Variants in C4orf51 observed in about 807,000 individuals in gnomAD.
The protein encoded by C4orf51 is uncharacterized protein C4orf51.
In C4orf51, 25 loss-of-function variants were observed where a neutral mutation model predicts 25.2. The observed-to-expected ratio is 0.99, with a 90% CI of 0.72 to 1.39. The LOEUF is 1.39. Among genes scored for constraint, C4orf51 ranks in the 40% most tolerant of loss-of-function variants. The pLI is 0.00. For missense variants in C4orf51, 252 were observed against 239.6 expected, an observed-to-expected ratio of 1.05 and a Z score of -0.34; for synonymous variants, 100 against 84.5, an observed-to-expected ratio of 1.18 and a Z score of -1.01.
At chr4:145,728,297 C>T (rs1002228985) in intron 3 of C4orf51, among the ~76,000 whole-genome samples, 1 of 151,850 alleles carries the variant, frequency 6.6e-6, no homozygotes, top group Non-Finnish European at 1.5e-5. Context: ...TTTCCTATAT[C>T]CTCTCTAACA....
the C4orf51 span, among the ~76,000 whole-genome samples, chr4:145,781,575 T>C: frequency 1.3e-5 from 2 of 152,178 alleles, no homozygotes; most frequent in African/African-American, 2.4e-5. Context: ...GGGTTGCTCT[T>C]ATTAAAGTAG....
chr4:145,750,894 A>G (rs1166197964), intron 1 of C4orf51, among the ~76,000 whole-genome samples: 2 of 152,078 alleles, frequency 1.3e-5, no homozygotes, highest in Non-Finnish European at 1.5e-5. Context: ...TTCAAGGTCA[A>G]CAATTCCTTC....
chr4:145,787,415 C>G, the C4orf51 span, among the ~76,000 whole-genome samples: 1 of 149,706 alleles, frequency 6.7e-6, no homozygotes, highest in Non-Finnish European at 1.5e-5. Flanking sequence ...TGAGCTGAGA[C>G]CACGCCATTG....
At chr4:145,681,587 C>G (rs977784226) in intron 1 of C4orf51, among the ~76,000 whole-genome samples, 1 of 152,156 alleles carries the variant, frequency 6.6e-6, no homozygotes, top group Admixed American at 6.5e-5. Context: ...TTCTATAACA[C>G]AATACCACAG....
the C4orf51 span, chr4:145,779,522 A>G: frequency 5.0e-6 from 8 of 1,611,644 alleles, no homozygotes; most frequent in Non-Finnish European, 5.9e-6. Flanking sequence ...CTGGGTCAAA[A>G]GAACAAAGCA....
At chr4:145,775,828 G>C (rs1215822730), downstream of C4orf51, 1 of 1,614,198 alleles carries the variant, frequency 6.2e-7, no homozygotes, top group South Asian at 1.1e-5. Context: ...ACTGCCTTCA[G>C]AGGTGACGGC....
intron 1 of C4orf51, among the ~76,000 whole-genome samples, chr4:145,769,737 A>G (rs968564831): frequency 2.0e-5 from 3 of 152,158 alleles, no homozygotes; most frequent in African/African-American, 7.2e-5. Context: ...TCAGCATCAC[A>G]AAGATCTTGG....
At chr4:145,760,656 AC>A (rs1734346613) in intron 1 of C4orf51, 1 of 579,586 alleles carries the variant, frequency 1.7e-6, no homozygotes, top group Non-Finnish European at 2.3e-6. Context: ...CATGTTCCAG[AC>A]CCATCGGGGT....
At chr4:145,702,242 C>T (rs899403157) in intron 2 of C4orf51, among the ~76,000 whole-genome samples, 2 of 151,938 alleles carry the variant, frequency 1.3e-5, no homozygotes, top group South Asian at 4.2e-4. Flanking sequence ...GCCTTATCAA[C>T]CAAATTGTTT....
intron 1 of C4orf51, among the ~76,000 whole-genome samples, chr4:145,747,344 C>T (rs1274889983): frequency 6.7e-6 from 1 of 150,114 alleles, no homozygotes; most frequent in Non-Finnish European, 1.5e-5. Context: ...TCATATATGG[C>T]TCTAATTATG....
intron 1 of C4orf51, among the ~76,000 whole-genome samples, chr4:145,753,118 A>AT (rs1422859733): frequency 6.8e-6 from 1 of 146,748 alleles, no homozygotes; most frequent in African/African-American, 2.6e-5. Flanking sequence ...TGCTCACCTG[A>AT]TTTTTGGTCT....
At chr4:145,732,359 G>A (rs1309816165) in intron 5 of C4orf51, 94 bp from the exon 6 acceptor site, 1 of 717,688 alleles carries the variant, frequency 1.4e-6, no homozygotes, top group Non-Finnish European at 2.4e-6. Context: ...CATGAATGAT[G>A]TCTGGTTTGG....
chr4:145,775,410 G>T (rs1315377746), downstream of C4orf51, among the ~76,000 whole-genome samples: 1 of 151,896 alleles, frequency 6.6e-6, no homozygotes, highest in Non-Finnish European at 1.5e-5. Context: ...GGGGTTCTCA[G>T]ATTTATATTT....
rs1283546025 is a variant in C4orf51, at chr4:145,732,689, C to T, written c.*129C>T. On this transcript the variant is annotated 3_prime_UTR_variant, in exon 6 of 6. Transcript: ENST00000438731. ...GAACGTCTGGACCCTGGCAGGTTGGCTTTCTGGGACAATTCCATGGGCTTC... is the reference window on the plus strand; with the variant it reads ...GAACGTCTGGACCCTGGCAGGTTGGTTTTCTGGGACAATTCCATGGGCTTC... 1.3e-5 allele frequency: 7 copies of T among 545,182 alleles called. No individual in the cohort carries two copies. The highest frequency in any genetic ancestry group is 3.5e-5 in the Admixed American group (1 of 28,752). 33.8% of individuals were successfully genotyped at this position (545,182 alleles called of 1,614,324 possible).
At chr4:145,692,314 A>G (rs1729632219) in intron 1 of C4orf51, among the ~76,000 whole-genome samples, 2 of 152,218 alleles carry the variant, frequency 1.3e-5, no homozygotes, top group South Asian at 4.1e-4. Context: ...GAACCAGGTG[A>G]CATGCTGTAT....
At chr4:145,722,649 G>A (rs1173881772) in intron 2 of C4orf51, among the ~76,000 whole-genome samples, 1 of 152,066 alleles carries the variant, frequency 6.6e-6, no homozygotes, top group Non-Finnish European at 1.5e-5. Flanking sequence ...AAAGCTCTGG[G>A]ACCTATCTTC....
chr4:145,756,076 C>T (rs1733928177), downstream of C4orf51, among the ~76,000 whole-genome samples: 1 of 152,198 alleles, frequency 6.6e-6, no homozygotes, highest in Non-Finnish European at 1.5e-5. Context: ...ATGTGTCTTC[C>T]CCTTCAAATT....
At chr4:145,698,552 T>C (rs1322792860) in intron 2 of C4orf51, among the ~76,000 whole-genome samples, 1 of 152,228 alleles carries the variant, frequency 6.6e-6, no homozygotes, top group African/African-American at 2.4e-5. Flanking sequence ...ACCAAGGTTT[T>C]ATGATACAAA....
intron 1 of C4orf51, among the ~76,000 whole-genome samples, chr4:145,749,063 G>A (rs955751819): frequency 1.4e-4 from 19 of 140,006 alleles, no homozygotes; most frequent in Non-Finnish European, 2.3e-4. Flanking sequence ...GTGTGTGTGT[G>A]TGTATATATA....
Sources: allele counts gnomAD v4.1 joint callset (sites outside exome capture counted in the v4.1 genomes callset), GRCh38; gene constraint gnomAD v4.1.1; transcripts MANE v1.5; gene names NCBI Gene and HGNC (gene_info 2026-07-23, HGNC 2026-07-21).